Variants in RTEL1 observed in about 807,000 individuals in gnomAD.
RTEL1 encodes regulator of telomere length.
RTEL1 carries 86 observed loss-of-function variants against 162.2 expected under a neutral mutation model. The observed-to-expected ratio is 0.53, with a 90% CI of 0.45 to 0.63. The LOEUF (loss-of-function observed/expected upper bound fraction) is 0.63. Among genes scored for constraint, RTEL1 ranks in the 30% least tolerant of loss-of-function variants. RTEL1 has a pLI of 0.00. For missense variants in RTEL1, 1,941 were observed against 1,750.2 expected (o/e 1.11, Z -1.95); for synonymous variants, 958 against 717.9 (o/e 1.33, Z -5.35).
intron 7 of RTEL1, among the ~76,000 whole-genome samples, chr20:63,666,908 C>G (rs1164046402): frequency 6.9e-6 from 1 of 145,446 alleles, no homozygotes; most frequent in African/African-American, 2.6e-5. Flanking sequence ...GGTGCGATCT[C>G]GGCTCACTGC....
rs1266873001 is a variant in RTEL1 at position 63,691,069 on chromosome 20, GGCGGGCAA to G, written c.2556+129_2556+136del. 7.1e-5 allele frequency: 80 copies of G among 1,122,232 alleles called. 1 individual carries two copies. Among genetic ancestry groups the G allele is most frequent in the Non-Finnish European group, 9.4e-5 (77 of 820,538 alleles). 69.5% of individuals were successfully genotyped at this position (1,122,232 alleles called of 1,614,324 possible). On this transcript the variant is annotated intron_variant, in intron 27 of 34. Coordinates refer to ENST00000360203, the MANE Select transcript of RTEL1 (RefSeq NM_001283009.2). ...CTGTAAATCCCCTGCCTGGCAGGCA[GGCGGGCAA>G]GCGGGCGGGGGATCCCAGCTGCCTG...
At chr20:63,671,614 T>G (rs2090243418) in intron 8 of RTEL1, among the ~76,000 whole-genome samples, 1 of 151,394 alleles carries the variant, frequency 6.6e-6, no homozygotes, top group Non-Finnish European at 1.5e-5. Context: ...CCCGAGTAGC[T>G]GGGACTACAG....
Position 63,678,755 on chromosome 20 carries a change from C to CA in RTEL1, c.1037+409_1037+410insA, listed in dbSNP as rs2090421065. 1.5e-5 allele frequency among the ~76,000 whole-genome samples: 2 copies of CA among 132,576 alleles called. 1 individual carries two copies. Among genetic ancestry groups the CA allele is most frequent in the Non-Finnish European group, 3.2e-5 (2 of 63,104 alleles). 87.0% of individuals were successfully genotyped at this position (132,576 alleles called of 152,430 possible). On this transcript the variant is annotated intron_variant, in intron 12 of 34. Coordinates refer to ENST00000360203, the MANE Select transcript of RTEL1 (RefSeq NM_001283009.2). Reference sequence around the variant, plus strand: ...CGGAACGGCACACACTCCCACGGAACGGCACACTCTCCCACGGAACAGCAC... The same window carrying CA: ...CGGAACGGCACACACTCCCACGGAACAGGCACACTCTCCCACGGAACAGCAC...
intron 14 of RTEL1, chr20:63,682,022 T>G: frequency 3.0e-6 from 3 of 985,396 alleles, no homozygotes; most frequent in Non-Finnish European, 3.6e-6. Context: ...GCAAAGCACC[T>G]CCAGCACATG....
intron 12 of RTEL1, among the ~76,000 whole-genome samples, chr20:63,678,675 GCA>G (rs773132194): frequency 8.4e-5 from 9 of 107,474 alleles, no homozygotes; most frequent in Non-Finnish European, 1.5e-4. Context: ...CCACGGAACG[GCA>G]CACACACCCA....
intron 12 of RTEL1, 79 bp from the exon 13 acceptor site, chr20:63,679,770 C>T (rs1183928006): frequency 9.0e-7 from 1 of 1,111,728 alleles, no homozygotes; most frequent in Non-Finnish European, 1.4e-6. Context: ...AGGCCCGAGC[C>T]TGCCTTCTTC....
In RTEL1 at chr20:63,690,423, C is replaced by T. The variant is rs1601171872; in HGVS notation, c.2395C>T (p.Leu799=). 2.5e-6 allele frequency: 4 copies of T among 1,577,348 alleles called. No individual in the cohort carries two copies. Among genetic ancestry groups the T allele is most frequent in the Non-Finnish European group, 3.5e-6 (4 of 1,156,818 alleles). ...AKSLDLHVPS[L]KQRSSGSPAA... ...GAGTCTGGACCTGCATGTCCCCAGC[C>T]TGAAGCAGAGGTCCTCAGGTGCGGA... The change falls in exon 26 of 35, where the codon CTG becomes TTG. Residue 799 remains leucine, a synonymous_variant. Coordinates refer to ENST00000360203, the MANE Select transcript of RTEL1 (RefSeq NM_001283009.2).
In RTEL1 at chr20:63,685,579, G is replaced by A. The variant is rs1267944335; in HGVS notation, c.1248G>A (p.Gly416=). 2.6e-5 allele frequency: 42 copies of A among 1,612,086 alleles called. No homozygotes were observed. Among genetic ancestry groups the A allele is most frequent in the Non-Finnish European group, 3.5e-5 (41 of 1,179,680 alleles). ...GCCCTGGTTCCCCAGCAGGGCTGGG[G>A]GCCTTACAGTCCTATAAGGTAGGGG... ...EGSPGSPAGL[G]ALQSYKVHIH... Residue 416 remains glycine (G), a synonymous_variant, in exon 15 of 35, where the codon GGG becomes GGA. Coordinates refer to ENST00000360203, the MANE Select transcript of RTEL1 (RefSeq NM_001283009.2).
chr20:63,676,929 G>A (rs994159815), intron 10 of RTEL1, among the ~76,000 whole-genome samples: 67 of 152,240 alleles, frequency 4.4e-4, no homozygotes, highest in African/African-American at 1.4e-3. Context: ...GCGAGACTCC[G>A]TCTCAAAAAT....
chr20:63,689,751 T>A lies in RTEL1; in HGVS notation c.2027T>A (p.Phe676Tyr). The A allele has an allele frequency of 6.2e-7, 1 of 1,611,542 alleles. No homozygotes were observed. The highest frequency in any genetic ancestry group is 8.5e-7 in the Non-Finnish European group (1 of 1,179,270). ...TGACCGAGCCGCCTCGCCCCACAGT[T>A]CCTCTCTGGGCAGGAGTGGTACCGG... ...MKGQGGAGGQ[F>Y]LSGQEWYRQQ... The change falls in exon 24 of 35, where the codon TTC (phenylalanine) becomes TAC (tyrosine). Residue 676 changes from phenylalanine to tyrosine, a missense_variant and splice_region_variant. Physicochemically the swap from Phe to Tyr is conservative, Grantham distance 22. Coordinates refer to ENST00000360203, the MANE Select transcript of RTEL1 (RefSeq NM_001283009.2).
Position 63,674,236 on chromosome 20 carries a change from G to GCCC in RTEL1, c.919+144_919+145insCCC, listed in dbSNP as rs2090305233. The GCCC allele has an allele frequency of 1.1e-5, 15 of 1,416,904 alleles. No homozygotes were observed. In the African/African-American group the frequency reaches 1.6e-4, roughly 15 times the overall value. 87.8% of individuals were successfully genotyped at this position (1,416,904 alleles called of 1,614,324 possible). A position where few individuals can be genotyped will look rare whatever the true frequency, so the allele number is the denominator to read the frequency against. ...CCTGAGGCCCGTGCTACTGCAGTGG[G>GCCC]CAGCCTGCCCTGTGGCTGTGTGTGG... On this transcript the variant is annotated intron_variant, in intron 10 of 34. Transcript: ENST00000360203.
Position 63,680,727 on chromosome 20 carries a change from C to G in RTEL1, c.1191+8C>G, listed in dbSNP as rs767844458. On this transcript the variant is annotated splice_region_variant and intron_variant, in intron 14 of 34. Transcript: ENST00000360203. ...CTGGCGGACATTATCCAGGTGGGGC[C>G]TGCTCCTCTGTGGCATCTCCTTCCC... 1.9e-6 allele frequency: 3 copies of G among 1,613,224 alleles called. No individual in the cohort carries two copies. Among genetic ancestry groups the G allele is most frequent in the African/African-American group, 1.3e-5 (1 of 74,942 alleles).
At chr20:63,659,017 T>C (rs1490429867) in intron 1 of RTEL1, among the ~76,000 whole-genome samples, 2 of 152,182 alleles carry the variant, frequency 1.3e-5, no homozygotes, top group African/African-American at 4.8e-5. Flanking sequence ...CTTGCAGCAC[T>C]GTGGGCGTCT....
chr20:63,672,072 C>G (rs897646042), intron 8 of RTEL1, among the ~76,000 whole-genome samples: 1 of 141,942 alleles, frequency 7.0e-6, no homozygotes, highest in African/African-American at 2.7e-5. Context: ...TTAGTAGAGA[C>G]GGGGTTTTAC....
At chr20:63,659,173 G>C (rs1321594248) in intron 1 of RTEL1, 60 bp from the exon 2 acceptor site, 3 of 546,412 alleles carry the variant, frequency 5.5e-6, no homozygotes. Flanking sequence ...GAAACGCCTG[G>C]GAAAGTAGCC....
At chr20:63,673,206 A>G (rs527833155) in intron 9 of RTEL1, among the ~76,000 whole-genome samples, 4 of 152,148 alleles carry the variant, frequency 2.6e-5, no homozygotes, top group African/African-American at 4.8e-5. Flanking sequence ...ATCCTGGCCA[A>G]CATAGTGAAA....
At chr20:63,681,943 G>A (rs1209777731) in intron 14 of RTEL1, 1 of 985,420 alleles carries the variant, frequency 1.0e-6, no homozygotes, top group Non-Finnish European at 1.2e-6. Flanking sequence ...ATGGAGTGTG[G>A]TTGGCTCTTC....
chr20:63,694,300 C>T (rs1186416522), intron 30 of RTEL1, 72 bp from the exon 31 acceptor site: 13 of 548,344 alleles, frequency 2.4e-5, no homozygotes, highest in African/African-American at 3.8e-5. Context: ...CCCTAGCCAG[C>T]CCTGCCCCCC....
chr20:63,661,484 G>A lies in RTEL1; in HGVS notation c.289G>A (p.Gly97Arg). 6.2e-7 allele frequency: 1 copy of A among 1,611,154 alleles called. No homozygotes were observed. Among genetic ancestry groups the A allele is most frequent in the Non-Finnish European group, 8.5e-7 (1 of 1,179,956 alleles). The change falls in exon 3 of 35, where the codon GGA becomes AGA. Residue 97 changes from glycine (G) to arginine (R), a missense_variant. Gly to Arg is a moderately radical substitution (Grantham distance 125). Transcript: ENST00000360203. The surrounding 1 kb of genome is among the most constrained non-coding windows in gnomAD (Gnocchi z 5.1). ...SSWGNAAAAA[G>R]DPIACYTDIP... ...CTGGGGCAACGCTGCTGCTGCTGCT[G>A]GAGACCCCATAGGTGACCCTAGTTC... is the stretch of plus-strand genomic sequence containing the variant.
Sources: gnomAD v4.1 joint callset for allele counts (sites outside exome capture counted in the v4.1 genomes callset) on GRCh38, gnomAD v4.1.1 for gene constraint, Gnocchi (gnomAD v3.1) non-coding constraint, MANE v1.5 for transcripts, NCBI Gene and HGNC (gene_info 2026-07-23, HGNC 2026-07-21) for gene names.